CSMD1: variants seen among roughly 807,000 people sequenced by gnomAD.
The protein encoded by CSMD1 is CUB and Sushi multiple domains 1.
Under a neutral mutation model 417.5 loss-of-function variants are expected in CSMD1, and 213 were observed. That is an observed-to-expected ratio of 0.51 (90% CI 0.46 to 0.57). The LOEUF is 0.57. CSMD1 is among the 20% of genes least tolerant of loss of function. The probability of loss-of-function intolerance (pLI) is 0.00; values close to 1 mark genes in which losing one functional copy is unlikely to be tolerated. For synonymous variants in CSMD1, 2,862 were observed against 1,736.8 expected (o/e 1.65, Z -16.11); for missense variants, 6,923 against 4,529.7 (o/e 1.53, Z -15.17).
chr8:4,550,317 G>A (rs573210403), intron 2 of CSMD1, among the ~76,000 whole-genome samples: 2 of 144,042 alleles, frequency 1.4e-5, no homozygotes, highest in South Asian at 2.3e-4. Context: ...ATTGGAAGAA[G>A]CATACACACA....
At chr8:4,141,922 T>C (rs867455619) in intron 3 of CSMD1, among the ~76,000 whole-genome samples, 1 of 151,092 alleles carries the variant, frequency 6.6e-6, no homozygotes, top group Non-Finnish European at 1.5e-5. Flanking sequence ...GAGTGTGATA[T>C]TTGCTATGCT....
chr8:3,286,380 T>C (rs1367225360), intron 25 of CSMD1, among the ~76,000 whole-genome samples: 5 of 152,168 alleles, frequency 3.3e-5, no homozygotes, highest in African/African-American at 9.7e-5. Context: ...TTTCCAGTTC[T>C]AGATCCCTGA....
intron 5 of CSMD1, among the ~76,000 whole-genome samples, chr8:3,836,507 A>T (rs938211264): frequency 4.6e-5 from 7 of 152,176 alleles, no homozygotes; most frequent in African/African-American, 1.4e-4. Context: ...ACTAATTTTA[A>T]GCCACATCTT....
At chr8:3,060,684 G>C (rs940790898) in intron 49 of CSMD1, among the ~76,000 whole-genome samples, 1 of 152,090 alleles carries the variant, frequency 6.6e-6, no homozygotes, top group Non-Finnish European at 1.5e-5. Context: ...TCTGATACAG[G>C]TGATAGCCCC....
chr8:3,336,010 C>G (rs1223829652), intron 23 of CSMD1, among the ~76,000 whole-genome samples: 1 of 152,064 alleles, frequency 6.6e-6, no homozygotes, highest in Non-Finnish European at 1.5e-5. Flanking sequence ...ATCCTTAAGC[C>G]TAGAAAACAT....
intron 5 of CSMD1, among the ~76,000 whole-genome samples, chr8:3,865,308 AC>A (rs1166049377): frequency 1.3e-5 from 2 of 152,182 alleles, no homozygotes; most frequent in African/African-American, 2.4e-5. Flanking sequence ...AATGTGACAT[AC>A]GCACTCAATT....
At chr8:3,835,391 A>G (rs953655456) in intron 5 of CSMD1, among the ~76,000 whole-genome samples, 1 of 151,800 alleles carries the variant, frequency 6.6e-6, no homozygotes, top group South Asian at 2.1e-4. Flanking sequence ...CGCAGCCATA[A>G]AAAATGATGA....
intron 6 of CSMD1, among the ~76,000 whole-genome samples, chr8:3,739,927 C>T (rs1032921960): frequency 5.3e-5 from 8 of 152,138 alleles, no homozygotes; most frequent in Non-Finnish European, 1.2e-4. Flanking sequence ...GATATTTTCT[C>T]TAAAAATTAC....
At chr8:4,612,151 G>A (rs1377716574) in intron 2 of CSMD1, among the ~76,000 whole-genome samples, 3 of 152,108 alleles carry the variant, frequency 2.0e-5, no homozygotes, top group Non-Finnish European at 1.5e-5. Context: ...AGACCTGATC[G>A]GAGACGGTCG....
intron 3 of CSMD1, among the ~76,000 whole-genome samples, chr8:4,237,549 T>A (rs1172739252): frequency 6.6e-6 from 1 of 152,040 alleles, no homozygotes; most frequent in East Asian, 1.9e-4. Flanking sequence ...TTTTTTTTGT[T>A]TTTGAGTTGG....
At chr8:3,040,982 T>G (rs954487062) in intron 50 of CSMD1, among the ~76,000 whole-genome samples, 1 of 152,234 alleles carries the variant, frequency 6.6e-6, no homozygotes, top group African/African-American at 2.4e-5. Context: ...GTCATATTTC[T>G]GTTTCCTTTT....
At chr8:4,163,597 A>C (rs965201405) in intron 3 of CSMD1, among the ~76,000 whole-genome samples, 3 of 152,204 alleles carry the variant, frequency 2.0e-5, no homozygotes, top group Non-Finnish European at 4.4e-5. Flanking sequence ...CCTGTTTTAA[A>C]GTGAGTGTTT....
chr8:3,778,364 C>A (rs187505386), intron 5 of CSMD1, among the ~76,000 whole-genome samples: 1 of 152,316 alleles, frequency 6.6e-6, no homozygotes, highest in Admixed American at 6.5e-5. Flanking sequence ...TGTCTGGAAT[C>A]ATTTCGGTAA....
rs1212597252 is a variant in CSMD1, at chr8:3,349,083, A to T, written c.3305-922T>A. On this transcript the variant is annotated intron_variant, in intron 21 of 69. Transcript: ENST00000635120. ...ACTATACTATGTGCCCAGCACACCG[A>T]TGTAAACATCCCACAGAATGCCTAT... 3.9e-5 allele frequency among the ~76,000 whole-genome samples: 6 copies of T among 152,356 alleles called. No individual in the cohort carries two copies. In the South Asian group the frequency reaches 1.2e-3, roughly 32 times the overall value.
intron 3 of CSMD1, among the ~76,000 whole-genome samples, chr8:4,234,522 C>T (rs1319526995): frequency 1.3e-5 from 2 of 152,206 alleles, no homozygotes. Flanking sequence ...CTAGATATCA[C>T]TCCTAAATGT....
chr8:4,607,479 G>C (rs562907742), intron 2 of CSMD1, among the ~76,000 whole-genome samples: 21 of 152,150 alleles, frequency 1.4e-4, no homozygotes, highest in Non-Finnish European at 2.8e-4. Flanking sequence ...ATACGACCCA[G>C]AAAACCCAGG....
At chr8:4,218,265 T>A (rs1356304172) in intron 3 of CSMD1, among the ~76,000 whole-genome samples, 2 of 152,200 alleles carry the variant, frequency 1.3e-5, no homozygotes, top group African/African-American at 4.8e-5. Context: ...GAATTGCGTG[T>A]GACAATAGCA....
At chr8:4,189,932 T>A (rs867488744) in intron 3 of CSMD1, among the ~76,000 whole-genome samples, 8 of 151,948 alleles carry the variant, frequency 5.3e-5, no homozygotes, top group Non-Finnish European at 1.2e-4. Context: ...TATTTTTTTT[T>A]TCTAAAAAGC....
intron 5 of CSMD1, among the ~76,000 whole-genome samples, chr8:3,837,725 C>A (rs926275686): frequency 1.3e-5 from 2 of 152,054 alleles, no homozygotes. Context: ...CATAACTACC[C>A]TCTCCTTAAA....
Sources: gnomAD v4.1 joint callset for allele counts (sites outside exome capture counted in the v4.1 genomes callset) on GRCh38, gnomAD v4.1.1 for gene constraint, MANE v1.5 for transcripts, NCBI Gene and HGNC (gene_info 2026-07-23, HGNC 2026-07-21) for gene names.